The following SDK1 variants were observed in gnomAD, a reference collection of about 807,000 sequenced individuals.
The protein encoded by SDK1 is protein sidekick-1.
A neutral mutation model predicts 245.5 loss-of-function variants in SDK1; 157 were observed. That is an observed-to-expected ratio of 0.64 (90% CI 0.56 to 0.73). The LOEUF (loss-of-function observed/expected upper bound fraction) is 0.73. Ranked by LOEUF, SDK1 falls within the 30% of genes least tolerant of loss-of-function variation. The pLI is 0.00. For synonymous variants in SDK1, 1,647 were observed against 1,278.5 expected (o/e 1.29, Z -6.15); for missense variants, 3,583 against 3,002.3 (o/e 1.19, Z -4.52).
chr7:4,197,838 C>T (rs1783672026), intron 35 of SDK1, among the ~76,000 whole-genome samples: 1 of 152,222 alleles, frequency 6.6e-6, no homozygotes, highest in African/African-American at 2.4e-5. Flanking sequence ...AGACCCCCAC[C>T]CACTGCTTGC....
In SDK1 at chr7:3,840,491, G is replaced by C. The variant is rs929646724; in HGVS notation, c.847+18908G>C. On this transcript the variant is annotated intron_variant, in intron 5 of 44. Coordinates refer to ENST00000404826, the MANE Select transcript of SDK1 (RefSeq NM_152744.4). ...GGACTAAACTCACAGAGTGGTCCTTGGGCTAGTACTATCAGCATCATCCTG... is the reference window on the plus strand; with the variant it reads ...GGACTAAACTCACAGAGTGGTCCTTCGGCTAGTACTATCAGCATCATCCTG... Among the ~76,000 whole-genome samples, 3 of 152,144 alleles carry C rather than the reference G, an allele frequency of 2.0e-5. No individual in the cohort carries two copies. In the East Asian group the frequency reaches 5.8e-4, roughly 29 times the overall value.
At chr7:3,755,310 C>A in intron 4 of SDK1, among the ~76,000 whole-genome samples, 1 of 152,142 alleles carries the variant, frequency 6.6e-6, no homozygotes, top group East Asian at 1.9e-4. Context: ...AAAATAGGGA[C>A]GACTCAGTCA....
chr7:4,235,138 G>T (rs546789255), intron 41 of SDK1, among the ~76,000 whole-genome samples: 118 of 152,230 alleles, frequency 7.8e-4, no homozygotes, highest in Non-Finnish European at 1.4e-3. Context: ...TGTGAGAGGG[G>T]CTGTGAGGAA....
chr7:3,999,549 G>A (rs1030133628), intron 14 of SDK1, among the ~76,000 whole-genome samples: 15 of 152,140 alleles, frequency 9.9e-5, no homozygotes, highest in Admixed American at 8.5e-4. Context: ...GTCAGTATTC[G>A]GATGCCCTGG....
intron 4 of SDK1, among the ~76,000 whole-genome samples, chr7:3,646,529 T>G (rs1250401559): frequency 6.6e-6 from 1 of 152,208 alleles, no homozygotes; most frequent in Non-Finnish European, 1.5e-5. Context: ...GGATGTTAAA[T>G]TACTTACCCC....
intron 42 of SDK1, 137 bp from the exon 43 acceptor site, chr7:4,241,656 C>T (rs1053633946): frequency 5.9e-6 from 6 of 1,015,688 alleles, no homozygotes; most frequent in African/African-American, 1.7e-5. Context: ...CTAAGCACAG[C>T]TGAAGCAGGT....
At chr7:3,884,658 G>A (rs1583511557) in intron 5 of SDK1, among the ~76,000 whole-genome samples, 1 of 152,198 alleles carries the variant, frequency 6.6e-6, no homozygotes, top group Admixed American at 6.5e-5. Context: ...TGGAGGCTGA[G>A]GGCAAGTGCA....
intron 14 of SDK1, among the ~76,000 whole-genome samples, chr7:3,994,465 G>A (rs952974442): frequency 4.0e-5 from 6 of 151,826 alleles, no homozygotes; most frequent in Admixed American, 3.9e-4. Context: ...AACATAGCAA[G>A]ACCCCATATC....
intron 1 of SDK1, among the ~76,000 whole-genome samples, chr7:3,381,216 C>A (rs529206146): frequency 6.6e-6 from 1 of 151,942 alleles, no homozygotes; most frequent in African/African-American, 2.4e-5. Flanking sequence ...GAACCAAGAA[C>A]GAGGGGCAAG....
At chr7:3,692,507 TA>T (rs1488283360) in intron 4 of SDK1, among the ~76,000 whole-genome samples, 65 of 152,332 alleles carry the variant, frequency 4.3e-4, no homozygotes, top group Non-Finnish European at 7.6e-4. Context: ...GCTTGTTGAA[TA>T]ATTTGTATTT....
chr7:3,434,137 G>T (rs537103887), intron 1 of SDK1, among the ~76,000 whole-genome samples: 1 of 152,214 alleles, frequency 6.6e-6, no homozygotes, highest in East Asian at 1.9e-4. Flanking sequence ...GGTAATTTTG[G>T]CGTATTTTGT....
rs145403014 is a variant in SDK1 at position 4,190,225 on chromosome 7, C to G, written c.5098+11639C>G. Among the ~76,000 whole-genome samples the G allele has an allele frequency of 3.0e-4, 45 of 152,326 alleles. No homozygotes were observed. The South Asian group carries it at 8.9e-3, about 30-fold the overall frequency. ...CCAGGGCTCCCTGGGTAATTATTAA[C>G]ATATCACGCGATAATGACATTGTGC... On this transcript the variant is annotated intron_variant, in intron 35 of 44. Transcript: ENST00000404826.
intron 5 of SDK1, among the ~76,000 whole-genome samples, chr7:3,827,815 T>G (rs910274075): frequency 4.8e-4 from 73 of 152,154 alleles, no homozygotes; most frequent in African/African-American, 1.7e-3. Flanking sequence ...AGCCACAAGA[T>G]GGAAGCTGTC....
In SDK1 at chr7:4,139,709, G is replaced by GTTTGTGTGTGTA. The variant is rs1562872861; in HGVS notation, c.4229-6012_4229-6011insTTGTGTGTGTAT. 7.3e-3 allele frequency among the ~76,000 whole-genome samples: 269 copies of GTTTGTGTGTGTA among 36,718 alleles called. 55 individuals carry two copies. Among genetic ancestry groups the GTTTGTGTGTGTA allele is most frequent in the East Asian group, 0.015 (5 of 326 alleles). 24.1% of individuals were successfully genotyped at this position (36,718 alleles called of 152,430 possible). On this transcript the variant is annotated intron_variant, in intron 28 of 44. Coordinates refer to ENST00000404826, the MANE Select transcript of SDK1 (RefSeq NM_152744.4). ...TGTGTGTATGTGTGTGTGTGTATGT[G>GTTTGTGTGTGTA]TGTGTGTGTGTATGTGTGTGTGTGT... is the stretch of plus-strand genomic sequence containing the variant.
chr7:4,206,297 G>A (rs980336682), intron 36 of SDK1, among the ~76,000 whole-genome samples: 1 of 152,214 alleles, frequency 6.6e-6, no homozygotes, highest in African/African-American at 2.4e-5. Flanking sequence ...GCCTGGCTGG[G>A]GAACCCTTCC....
intron 38 of SDK1, among the ~76,000 whole-genome samples, chr7:4,215,269 A>C (rs546599835): frequency 6.6e-6 from 1 of 152,166 alleles, no homozygotes; most frequent in African/African-American, 2.4e-5. Context: ...AAGATTCCCA[A>C]TTGGTGGGTG....
intron 1 of SDK1, among the ~76,000 whole-genome samples, chr7:3,403,860 TATATATATAA>T (rs1392119507): frequency 2.5e-5 from 3 of 118,810 alleles, no homozygotes; most frequent in Non-Finnish European, 5.2e-5. Flanking sequence ...TATATATATA[TATATATATAA>T]TATATATATT....
intron 14 of SDK1, among the ~76,000 whole-genome samples, chr7:3,999,133 C>G (rs1784885208): frequency 1.3e-5 from 2 of 152,318 alleles, no homozygotes; most frequent in East Asian, 1.9e-4. Flanking sequence ...CAAACACACA[C>G]ACACACACGC....
rs527449237 is a variant in SDK1 at position 3,710,732 on chromosome 7, C to T, written c.713+68627C>T. On this transcript the variant is annotated intron_variant, in intron 4 of 44. Coordinates refer to ENST00000404826, the MANE Select transcript of SDK1 (RefSeq NM_152744.4). ...GGCTCCTGGATGATTGGGAAACCAGCAGAGAGGCTAATGGGCCAACAATCT... is the reference window on the plus strand; with the variant it reads ...GGCTCCTGGATGATTGGGAAACCAGTAGAGAGGCTAATGGGCCAACAATCT... Among the ~76,000 whole-genome samples the T allele has an allele frequency of 7.2e-5, 11 of 152,326 alleles. No homozygotes were observed. In the East Asian group the frequency reaches 2.1e-3, roughly 29 times the overall value.
Sources: gnomAD v4.1 joint callset for allele counts (sites outside exome capture counted in the v4.1 genomes callset) on GRCh38, gnomAD v4.1.1 for gene constraint, MANE v1.5 for transcripts, NCBI Gene and HGNC (gene_info 2026-07-23, HGNC 2026-07-21) for gene names.